LAMA1: variants seen among roughly 807,000 people sequenced by gnomAD.
LAMA1 encodes the protein laminin subunit alpha 1, also known as laminin subunit alpha-1.
LAMA1 carries 219 observed loss-of-function variants against 348.7 expected under a neutral mutation model. The observed-to-expected ratio is 0.63, with a 90% CI of 0.56 to 0.70. The LOEUF (loss-of-function observed/expected upper bound fraction) is 0.70. Among genes scored for constraint, LAMA1 ranks in the 30% least tolerant of loss-of-function variants. The probability of loss-of-function intolerance (pLI) is 0.00; values close to 1 mark genes in which losing one functional copy is unlikely to be tolerated. For synonymous variants in LAMA1, 1,487 were observed against 1,491.0 expected, an observed-to-expected ratio of 1.00 and a Z score of 0.06; for missense variants, 3,744 against 3,888.0, an observed-to-expected ratio of 0.96 and a Z score of 0.99.
intron 1 of LAMA1, among the ~76,000 whole-genome samples, chr18:7,094,517 T>G (rs2143807297): frequency 6.6e-6 from 1 of 152,090 alleles, no homozygotes; most frequent in Middle Eastern, 3.4e-3. Flanking sequence ...TCAGCCAAAC[T>G]TGGCACAAGA....
intron 1 of LAMA1, among the ~76,000 whole-genome samples, chr18:7,105,809 T>A (rs2058309599): frequency 6.6e-6 from 1 of 152,232 alleles, no homozygotes; most frequent in Admixed American, 6.5e-5. Context: ...ACTTGAGGAC[T>A]CTAAATGTCA....
intron 10 of LAMA1, among the ~76,000 whole-genome samples, chr18:7,039,782 G>C (rs2058012198): frequency 6.6e-6 from 1 of 152,164 alleles, no homozygotes; most frequent in Non-Finnish European, 1.5e-5. Context: ...GAGGCCCACA[G>C]AGGAGGTGGG....
At position 7,032,989 on chromosome 18, in the gene LAMA1, A is replaced by T; in HGVS notation, c.2158T>A (p.Cys720Ser). 6.2e-7 allele frequency: 1 copy of T among 1,607,146 alleles called. No individual in the cohort carries two copies. Among genetic ancestry groups the T allele is most frequent in the Non-Finnish European group, 8.5e-7 (1 of 1,176,386 alleles). Residue 720 changes from cysteine (C) to serine (S), a missense_variant, in exon 15 of 63, where the codon TGT becomes AGT. Transcript: ENST00000389658. The stretch of plus-strand genomic sequence containing the variant: ...CAGGAAGAGAGAAGCGTCACCTCAC[A>T]GGAGGTCCCTGTGTAGCCTTGCGGA... ...ECPQGYTGTS[C>S]ESCLSGYYRV...
At chr18:6,994,553 C>T (rs1192196748) in intron 34 of LAMA1, among the ~76,000 whole-genome samples, 1 of 152,088 alleles carries the variant, frequency 6.6e-6, no homozygotes, top group Non-Finnish European at 1.5e-5. Context: ...CTTTCCAAAA[C>T]ATCGTTAATT....
At chr18:7,060,896 C>G (rs1239811045) in intron 3 of LAMA1, among the ~76,000 whole-genome samples, 3 of 152,150 alleles carry the variant, frequency 2.0e-5, no homozygotes, top group Non-Finnish European at 1.5e-5. Context: ...TGGCTCATGC[C>G]TGTAATCCCA....
At chr18:7,076,262 A>G (rs2058167967) in intron 3 of LAMA1, among the ~76,000 whole-genome samples, 1 of 152,220 alleles carries the variant, frequency 6.6e-6, no homozygotes, top group African/African-American at 2.4e-5. Flanking sequence ...GACAGAAAAA[A>G]GGAAGTAACA....
In LAMA1 at chr18:7,079,956, T is replaced by C. The variant is rs2058186132; in HGVS notation, c.345+19A>G. 6.4e-7 allele frequency: 1 copy of C among 1,554,956 alleles called. No individual in the cohort carries two copies. Among genetic ancestry groups the C allele is most frequent in the Non-Finnish European group, 8.9e-7 (1 of 1,126,094 alleles). ...TCAGCAGCCTGTAGACACTCTTCAA[T>C]GGTTCTGGGCTCACCTACCTGTCTT... On this transcript the variant is annotated intron_variant, in intron 3 of 62. Coordinates refer to ENST00000389658, the MANE Select transcript of LAMA1 (RefSeq NM_005559.4).
At chr18:7,003,072 G>A (rs2057815245) in intron 29 of LAMA1, among the ~76,000 whole-genome samples, 1 of 151,320 alleles carries the variant, frequency 6.6e-6, no homozygotes, top group Non-Finnish European at 1.5e-5. Flanking sequence ...GTACAGGTAG[G>A]GGGTCTTGCT....
At chr18:7,077,453 C>T (rs1423512671) in intron 3 of LAMA1, among the ~76,000 whole-genome samples, 1 of 152,048 alleles carries the variant, frequency 6.6e-6, no homozygotes. Context: ...GATCCGCCCA[C>T]CTCAGCCTCC....
chr18:7,098,955 G>A (rs1266696089), intron 1 of LAMA1, among the ~76,000 whole-genome samples: 10 of 152,064 alleles, frequency 6.6e-5, no homozygotes, highest in Non-Finnish European at 1.0e-4. Flanking sequence ...CCACCACCCC[G>A]TCTGGGAGGT....
At chr18:7,097,151 T>C (rs1039374997) in intron 1 of LAMA1, among the ~76,000 whole-genome samples, 24 of 152,074 alleles carry the variant, frequency 1.6e-4, no homozygotes, top group African/African-American at 5.1e-4. Flanking sequence ...ATGCAACCGA[T>C]AGCTGGACCA....
At chr18:7,039,580 A>G (rs2058011420) in intron 10 of LAMA1, among the ~76,000 whole-genome samples, 1 of 152,206 alleles carries the variant, frequency 6.6e-6, no homozygotes, top group African/African-American at 2.4e-5. Context: ...GAATTAAGCT[A>G]GGGGTCAACA....
intron 3 of LAMA1, among the ~76,000 whole-genome samples, chr18:7,079,012 T>A (rs1452007965): frequency 6.6e-6 from 1 of 151,336 alleles, no homozygotes; most frequent in East Asian, 1.9e-4. Context: ...AAATAAAAAA[T>A]AAAAAAAAAT....
At chr18:7,104,102 C>T (rs1227692308) in intron 1 of LAMA1, among the ~76,000 whole-genome samples, 1 of 152,058 alleles carries the variant, frequency 6.6e-6, no homozygotes, top group East Asian at 2.0e-4. Flanking sequence ...CCTCAGCTTC[C>T]TGAGTAGCTG....
At position 6,974,455 on chromosome 18, in the gene LAMA1, CT is replaced by C. The variant is rs1213269695; in HGVS notation, c.6623+447del. The stretch of plus-strand genomic sequence containing the variant: ...CTTGTAACAAATGCTTATTTCTTTT[CT>C]TTTTTTTTTTTTTTTTTGAGATGGG... On this transcript the variant is annotated intron_variant, in intron 46 of 62. Transcript: ENST00000389658. Among the ~76,000 whole-genome samples, 705 of 128,272 alleles carry C rather than the reference CT, an allele frequency of 5.5e-3. 2 individuals carry two copies. Among genetic ancestry groups the C allele is most frequent in the African/African-American group, 0.017 (573 of 34,150 alleles). 84.2% of individuals were successfully genotyped at this position (128,272 alleles called of 152,430 possible).
chr18:7,053,633 C>T (rs1268122273), intron 3 of LAMA1, among the ~76,000 whole-genome samples: 2 of 152,084 alleles, frequency 1.3e-5, no homozygotes, highest in East Asian at 3.9e-4. Context: ...TGGAAGGGAC[C>T]CTGGTAGATA....
intron 39 of LAMA1, 77 bp from the exon 40 acceptor site, chr18:6,983,311 G>T: frequency 1.3e-6 from 2 of 1,498,008 alleles, no homozygotes; most frequent in Non-Finnish European, 1.9e-6. Flanking sequence ...AATCATAAAT[G>T]CCTACCAGTT....
intron 10 of LAMA1, 51 bp from the exon 11 acceptor site, chr18:7,039,001 A>C (rs371996246): frequency 1.3e-6 from 2 of 1,481,840 alleles, no homozygotes; most frequent in Non-Finnish European, 1.9e-6. Context: ...GTCTGTCCAG[A>C]GAGAATAAAA....
At position 7,010,399 on chromosome 18, in the gene LAMA1, A is replaced by G. The variant is rs1263297034; in HGVS notation, c.3688-14T>C. The G allele has an allele frequency of 1.9e-6, 3 of 1,612,416 alleles. No homozygotes were observed. In the African/African-American group the frequency reaches 4.0e-5, roughly 22 times the overall value. ...ATAGGCCATGAGCTATCAAATAATA[A>G]AGTGTTGTTTACTTCTCTGACAAAG... On this transcript the variant is annotated splice_polypyrimidine_tract_variant and intron_variant, in intron 25 of 62. Transcript: ENST00000389658.
Sources: allele counts gnomAD v4.1 joint callset (sites outside exome capture counted in the v4.1 genomes callset), GRCh38; gene constraint gnomAD v4.1.1; transcripts MANE v1.5; gene names NCBI Gene and HGNC (gene_info 2026-07-23, HGNC 2026-07-21).